N4BP2L2: variants seen among roughly 807,000 people sequenced by gnomAD.
N4BP2L2 encodes the protein NEDD4-binding protein 2-like 2.
A neutral mutation model predicts 56.2 loss-of-function variants in N4BP2L2; 50 were observed. The observed-to-expected ratio is 0.89, with a 90% CI of 0.71 to 1.13. N4BP2L2 has a LOEUF of 1.13. Among genes scored for constraint, N4BP2L2 ranks in the 50% most tolerant of loss-of-function variants. The probability of loss-of-function intolerance (pLI) is 0.00; values close to 1 mark genes in which losing one functional copy is unlikely to be tolerated. For missense variants in N4BP2L2, 689 were observed against 693.8 expected, an observed-to-expected ratio of 0.99 and a Z score of 0.08; for synonymous variants, 203 against 223.6, an observed-to-expected ratio of 0.91 and a Z score of 0.82.
chr13:32,446,302 G>A (rs1403768802), intron 6 of N4BP2L2: 1 of 1,212,618 alleles, frequency 8.2e-7, no homozygotes, highest in Non-Finnish European at 1.1e-6. Flanking sequence ...CTATAAAAAG[G>A]ATATTGAGTA....
exon 7 of N4BP2L2, chr13:32,443,922 A>G (rs149913087): frequency 6.3e-7 from 1 of 1,586,414 alleles, no homozygotes; most frequent in East Asian, 2.2e-5. Flanking sequence ...CAATGAAGGG[A>G]TATTCTGATT....
In N4BP2L2 at chr13:32,522,381, CTG is replaced by C. The variant is rs968912054; in HGVS notation, c.1385-113_1385-112del. The C allele has an allele frequency of 1.9e-5, 11 of 587,400 alleles. No homozygotes were observed. In the Admixed American group the frequency reaches 4.3e-4, roughly 23 times the overall value. 36.4% of individuals were successfully genotyped at this position (587,400 alleles called of 1,614,324 possible). On this transcript the variant is annotated intron_variant, in intron 3 of 5. Coordinates refer to ENST00000267068, the Ensembl canonical transcript of N4BP2L2. ...TACGTCTCTGTACTTAAAACCAAAA[CTG>C]TGCAATCTCTTCAGTCAGTATCATG...
intron 6 of N4BP2L2, chr13:32,446,628 C>A (rs983397486): frequency 9.1e-6 from 8 of 876,026 alleles, no homozygotes; most frequent in Non-Finnish European, 1.2e-5. Context: ...TAGTCACTGT[C>A]CCTCAGAACA....
chr13:32,531,931 G>A (rs1406306111), intron 2 of N4BP2L2, among the ~76,000 whole-genome samples: 1 of 152,128 alleles, frequency 6.6e-6, no homozygotes, highest in African/African-American at 2.4e-5. Context: ...TGCACACCTG[G>A]GCTTATGGGA....
At chr13:32,443,337 T>C in exon 7 of N4BP2L2, 3 of 1,614,022 alleles carry the variant, frequency 1.9e-6, no homozygotes, top group Non-Finnish European at 2.5e-6. Flanking sequence ...CTTTCTTTGG[T>C]CTCTGTTCAC....
At chr13:32,533,216 G>T (rs888917561) in intron 2 of N4BP2L2, among the ~76,000 whole-genome samples, 1 of 152,014 alleles carries the variant, frequency 6.6e-6, no homozygotes, top group African/African-American at 2.4e-5. Context: ...TGGGATTTTG[G>T]TTAAAGTTTC....
At chr13:32,435,900 GA>G (rs540578929) in intron 9 of N4BP2L2, among the ~76,000 whole-genome samples, 14 of 151,728 alleles carry the variant, frequency 9.2e-5, no homozygotes, top group East Asian at 3.9e-4. Flanking sequence ...TTAGGCATTT[GA>G]AAAAAAATGC....
exon 6 of N4BP2L2, chr13:32,513,805 A>G (rs1452751071): frequency 6.6e-6 from 1 of 152,192 alleles, no homozygotes; most frequent in Admixed American, 6.5e-5. Flanking sequence ...TAGTTATTGT[A>G]TTCATGTCAG....
chr13:32,453,821 G>T (rs116710501), intron 6 of N4BP2L2, among the ~76,000 whole-genome samples: 1 of 152,202 alleles, frequency 6.6e-6, no homozygotes, highest in African/African-American at 2.4e-5. Context: ...GTGACTCTGA[G>T]CTCAAAGGGC....
chr13:32,505,229 A>G (rs975530149), intron 6 of N4BP2L2: 2 of 152,284 alleles, frequency 1.3e-5, no homozygotes, highest in Admixed American at 1.3e-4. Context: ...TAGAATCTCA[A>G]GAAATCCAAC....
chr13:32,468,094 T>G (rs572349950), intron 6 of N4BP2L2, among the ~76,000 whole-genome samples: 3 of 152,124 alleles, frequency 2.0e-5, no homozygotes, highest in Admixed American at 6.5e-5. Flanking sequence ...ATGAGAGATA[T>G]GCATTCATAT....
At position 32,462,878 on chromosome 13, in the gene N4BP2L2, A is replaced by T. The variant is rs9595563; in HGVS notation, c.366-18752T>A. Among the ~76,000 whole-genome samples the T allele has an allele frequency of 3.8e-3, 568 of 147,860 alleles. 10 individuals are homozygous for T. The highest frequency in any genetic ancestry group is 0.014 in the African/African-American group (545 of 40,256). On this transcript the variant is annotated intron_variant, in intron 6 of 9. Coordinates refer to the N4BP2L2 transcript ENST00000357505. ...GTCTTTACTAAAAAAAAAAAAAAAA[A>T]AAAAAAAAAAAAAAATTAGCCAGGC...
intron 6 of N4BP2L2, among the ~76,000 whole-genome samples, chr13:32,492,054 G>A (rs2087234405): frequency 1.3e-5 from 2 of 151,984 alleles, no homozygotes; most frequent in Non-Finnish European, 2.9e-5. Flanking sequence ...CCCCACAAAG[G>A]CCTAACTCTG....
exon 2 of N4BP2L2, chr13:32,536,213 T>A (rs2056515025): frequency 6.2e-7 from 1 of 1,613,794 alleles, no homozygotes; most frequent in African/African-American, 1.3e-5. Context: ...TATAAAAGGA[T>A]ATACTGACTG....
chr13:32,470,751 T>G (rs183676888), intron 6 of N4BP2L2, among the ~76,000 whole-genome samples: 1 of 152,314 alleles, frequency 6.6e-6, no homozygotes, highest in East Asian at 1.9e-4. Context: ...GTGTAGCACC[T>G]CCTTAGAACA....
chr13:32,434,248 CTTTT>C (rs369328452), intron 9 of N4BP2L2, among the ~76,000 whole-genome samples: 2 of 112,038 alleles, frequency 1.8e-5, no homozygotes, highest in African/African-American at 7.4e-5. Flanking sequence ...AGCTAATTTT[CTTTT>C]TTTCTTTTTT....
At chr13:32,472,198 AGAG>A (rs991657552) in intron 6 of N4BP2L2, among the ~76,000 whole-genome samples, 4 of 152,246 alleles carry the variant, frequency 2.6e-5, no homozygotes, top group Non-Finnish European at 5.9e-5. Flanking sequence ...CAAGTGACCA[AGAG>A]GAGGTCATAT....
At chr13:32,514,564 C>G (rs2048785555) in exon 6 of N4BP2L2, 2 of 152,168 alleles carry the variant, frequency 1.3e-5, no homozygotes, top group South Asian at 4.2e-4. Flanking sequence ...TCCCAGCTAC[C>G]AGGTAGGCTG....
chr13:32,438,819 C>T, intron 7 of N4BP2L2: 1 of 875,652 alleles, frequency 1.1e-6, no homozygotes. Flanking sequence ...CAAACCTGAT[C>T]TCTAATTCAC....
Sources: gnomAD v4.1 joint callset for allele counts (sites outside exome capture counted in the v4.1 genomes callset) on GRCh38, gnomAD v4.1.1 for gene constraint, MANE v1.5 for transcripts, NCBI Gene and HGNC (gene_info 2026-07-23, HGNC 2026-07-21) for gene names.